The following MYO1D variants were observed in gnomAD, a reference collection of about 807,000 sequenced individuals.
The protein encoded by MYO1D is unconventional myosin-Id.
A neutral mutation model predicts 122.0 loss-of-function variants in MYO1D; 83 were observed. The ratio of observed to expected loss-of-function variants is 0.68; its 90% CI spans 0.57 to 0.82. MYO1D has a LOEUF of 0.82. MYO1D is among the 40% of genes least tolerant of loss of function. The pLI, the probability that MYO1D is intolerant of heterozygous loss-of-function variation, is 0.00. For synonymous variants in MYO1D, 464 were observed against 446.9 expected (o/e 1.04, Z -0.48); for missense variants, 1,157 against 1,269.5 (o/e 0.91, Z 1.35).
In MYO1D at chr17:32,599,470, T is replaced by C. The variant is rs531304390; in HGVS notation, c.2864+5617A>G. ...AACCCCTCAAAGCCATCCATGAGAG[T>C]TGGAATCAATGTTTTCCAAACTTCT... On this transcript the variant is annotated intron_variant, in intron 21 of 21. Coordinates refer to ENST00000318217, the MANE Select transcript of MYO1D (RefSeq NM_015194.3). Among the ~76,000 whole-genome samples the C allele has an allele frequency of 2.0e-5, 3 of 152,110 alleles. No homozygotes were observed. The East Asian group carries it at 5.8e-4, about 29-fold the overall frequency.
At chr17:32,828,404 T>A (rs1224267750) in intron 1 of MYO1D, among the ~76,000 whole-genome samples, 3 of 150,260 alleles carry the variant, frequency 2.0e-5, no homozygotes, top group African/African-American at 7.4e-5. Context: ...TAATCCCAGC[T>A]ACTCGGGAGG....
At chr17:32,518,359 G>A (rs1597870414) in intron 21 of MYO1D, 1 of 152,554 alleles carries the variant, frequency 6.6e-6, no homozygotes, top group East Asian at 1.9e-4. Context: ...ATTCTGCGAA[G>A]AGCTCTCGCG....
At chr17:32,876,441 C>T (rs2091231323) in intron 1 of MYO1D, among the ~76,000 whole-genome samples, 1 of 152,200 alleles carries the variant, frequency 6.6e-6, no homozygotes, top group African/African-American at 2.4e-5. Flanking sequence ...CACCGGCCCG[C>T]CCACATCCCT....
intron 16 of MYO1D, among the ~76,000 whole-genome samples, chr17:32,683,470 A>G (rs369665973): frequency 4.7e-4 from 71 of 152,218 alleles, no homozygotes; most frequent in East Asian, 7.7e-4. Context: ...CTTCTAACAG[A>G]CAGGACCCTC....
chr17:32,554,085 T>G (rs2087046558), intron 21 of MYO1D, among the ~76,000 whole-genome samples: 1 of 152,210 alleles, frequency 6.6e-6, no homozygotes, highest in Non-Finnish European at 1.5e-5. Context: ...CCAGTTACTC[T>G]GCTCATCACC....
chr17:32,813,237 G>A (rs998477410), intron 1 of MYO1D, among the ~76,000 whole-genome samples: 1 of 152,158 alleles, frequency 6.6e-6, no homozygotes, highest in Non-Finnish European at 1.5e-5. Flanking sequence ...TTTGTGCTAA[G>A]CAATACGCCA....
chr17:32,556,989 C>T (rs1270625218), intron 21 of MYO1D, among the ~76,000 whole-genome samples: 1 of 152,064 alleles, frequency 6.6e-6, no homozygotes, highest in Non-Finnish European at 1.5e-5. Flanking sequence ...ACAAATGATG[C>T]AGGGAAATCA....
intron 20 of MYO1D, among the ~76,000 whole-genome samples, chr17:32,610,143 A>G (rs557330313): frequency 6.6e-6 from 1 of 152,278 alleles, no homozygotes; most frequent in East Asian, 1.9e-4. Flanking sequence ...TCGGCAAAGA[A>G]CGCTGAAACC....
chr17:32,766,536 C>G (rs1209903175), intron 7 of MYO1D, among the ~76,000 whole-genome samples: 1 of 152,144 alleles, frequency 6.6e-6, no homozygotes, highest in East Asian at 1.9e-4. Context: ...TGGCTCACGC[C>G]TGTAATCCCA....
chr17:32,842,270 G>A (rs1329247067), intron 1 of MYO1D, among the ~76,000 whole-genome samples: 3 of 152,076 alleles, frequency 2.0e-5, no homozygotes, highest in African/African-American at 7.2e-5. Context: ...AGCAGTATGA[G>A]AACAATAAAA....
At chr17:32,855,064 T>TC (rs2091016908) in intron 1 of MYO1D, among the ~76,000 whole-genome samples, 2 of 152,208 alleles carry the variant, frequency 1.3e-5, no homozygotes, top group Non-Finnish European at 1.5e-5. Flanking sequence ...GTTGGTTCCA[T>TC]CCCCATTGGC....
chr17:32,563,610 G>T (rs1225976190), intron 21 of MYO1D, among the ~76,000 whole-genome samples: 1 of 152,216 alleles, frequency 6.6e-6, no homozygotes, highest in Non-Finnish European at 1.5e-5. Context: ...ACGTCAGTGG[G>T]AGAACTATAA....
At chr17:32,549,789 G>A (rs1055801283) in intron 21 of MYO1D, among the ~76,000 whole-genome samples, 11 of 152,160 alleles carry the variant, frequency 7.2e-5, no homozygotes, top group African/African-American at 2.7e-4. Flanking sequence ...TGAAGGACAC[G>A]TTAATTGCAT....
At chr17:32,531,998 A>G (rs1171988890) in intron 21 of MYO1D, among the ~76,000 whole-genome samples, 1 of 152,206 alleles carries the variant, frequency 6.6e-6, no homozygotes, top group Non-Finnish European at 1.5e-5. Context: ...CTGGCTGCAA[A>G]CCACCATGAC....
intron 21 of MYO1D, among the ~76,000 whole-genome samples, chr17:32,578,628 T>A (rs570520840): frequency 6.6e-6 from 1 of 152,380 alleles, no homozygotes; most frequent in Admixed American, 6.5e-5. Flanking sequence ...TTAATCTTTT[T>A]ATTAATTTTA....
intron 3 of MYO1D, 128 bp from the exon 4 acceptor site, chr17:32,776,157 T>TAA: frequency 1.3e-6 from 1 of 759,406 alleles, no homozygotes. Flanking sequence ...GTTTGCAATA[T>TAA]CAAAAAAAAA....
At chr17:32,522,081 C>CAAAAAAA (rs35096680) in intron 21 of MYO1D, among the ~76,000 whole-genome samples, 5 of 63,244 alleles carry the variant, frequency 7.9e-5, no homozygotes, top group African/African-American at 1.2e-4. Context: ...GACTCTGTCT[C>CAAAAAAA]AAAAAAAAAA....
chr17:32,659,424 C>A, intron 16 of MYO1D, 86 bp from the exon 17 acceptor site: 1 of 1,357,306 alleles, frequency 7.4e-7, no homozygotes. Context: ...CCTCTACTTA[C>A]AAACTCAACC....
intron 21 of MYO1D, among the ~76,000 whole-genome samples, chr17:32,522,749 T>C (rs1252066863): frequency 6.6e-6 from 1 of 151,666 alleles, no homozygotes; most frequent in African/African-American, 2.4e-5. Flanking sequence ...GGAGGGCCAG[T>C]GCTGCCTGTG....
Sources: allele counts gnomAD v4.1 joint callset (sites outside exome capture counted in the v4.1 genomes callset), GRCh38; gene constraint gnomAD v4.1.1; transcripts MANE v1.5; gene names NCBI Gene and HGNC (gene_info 2026-07-23, HGNC 2026-07-21).